SGCZ: variants seen among roughly 807,000 people sequenced by gnomAD.
The protein encoded by SGCZ is zeta-sarcoglycan.
In SGCZ, 40 loss-of-function variants were observed where a neutral mutation model predicts 41.3. The ratio of observed to expected loss-of-function variants is 0.97; its 90% CI spans 0.75 to 1.26. SGCZ has a LOEUF of 1.26. Ranked by LOEUF, SGCZ falls within the 50% of genes most tolerant of loss-of-function variation. The pLI is 0.00. For synonymous variants in SGCZ, 206 were observed against 137.5 expected (o/e 1.50, Z -3.49); for missense variants, 552 against 369.8 (o/e 1.49, Z -4.04).
intron 1 of SGCZ, among the ~76,000 whole-genome samples, chr8:14,969,710 T>A (rs1291122432): frequency 1.3e-5 from 2 of 152,096 alleles, no homozygotes; most frequent in East Asian, 3.9e-4. Flanking sequence ...TTGTGTCATA[T>A]GTTAATTGTT....
chr8:14,419,062 G>A (rs756392087), intron 2 of SGCZ, among the ~76,000 whole-genome samples: 19 of 151,640 alleles, frequency 1.3e-4, no homozygotes, highest in Non-Finnish European at 2.4e-4. Context: ...CAACCACATG[G>A]CAACATAAGA....
At position 15,065,415 on chromosome 8, in the gene SGCZ, A is replaced by AATTATTATT. The variant is rs200765691; in HGVS notation, c.39+172161_39+172169dup. 7.3e-3 allele frequency among the ~76,000 whole-genome samples: 998 copies of AATTATTATT among 137,448 alleles called. 9 individuals carry two copies. Among genetic ancestry groups the AATTATTATT allele is most frequent in the Admixed American group, 0.01 (141 of 13,508 alleles). 90.2% of individuals were successfully genotyped at this position (137,448 alleles called of 152,430 possible). On this transcript the variant is annotated intron_variant, in intron 1 of 7. Transcript: ENST00000382080. The stretch of plus-strand genomic sequence containing the variant: ...GGCATCACTTATCACATGGTATTGT[A>AATTATTATT]ATTATTATTATTATTATTATTATTA...
At chr8:14,629,555 A>C (rs1806577706) in intron 1 of SGCZ, among the ~76,000 whole-genome samples, 2 of 152,102 alleles carry the variant, frequency 1.3e-5, no homozygotes, top group Admixed American at 1.3e-4. Context: ...AGTCAGCAAG[A>C]GGCTTGCCAT....
At chr8:14,355,840 G>C (rs1302345009) in intron 2 of SGCZ, among the ~76,000 whole-genome samples, 1 of 152,040 alleles carries the variant, frequency 6.6e-6, no homozygotes, top group African/African-American at 2.4e-5. Context: ...CTGGTCTAGT[G>C]TCAGATCTTC....
At chr8:14,173,249 A>G (rs7838241) in intron 4 of SGCZ, among the ~76,000 whole-genome samples, 47,065 of 151,762 alleles carry the variant, frequency 0.31, 8,078 homozygotes, top group East Asian at 0.71. Context: ...AATTGACACT[A>G]ACCAGGAGAA....
chr8:15,110,658 C>A (rs12682086), intron 1 of SGCZ, among the ~76,000 whole-genome samples: 1 of 151,974 alleles, frequency 6.6e-6, no homozygotes, highest in Non-Finnish European at 1.5e-5. Flanking sequence ...TGGCACTAGC[C>A]AGCACCTTCA....
chr8:15,180,563 A>G (rs1387969248), intron 1 of SGCZ, among the ~76,000 whole-genome samples: 1 of 151,684 alleles, frequency 6.6e-6, no homozygotes, highest in African/African-American at 2.4e-5. Context: ...CAAATTTAGC[A>G]CTGATACAAA....
intron 1 of SGCZ, among the ~76,000 whole-genome samples, chr8:15,236,983 G>T (rs1305213674): frequency 1.3e-5 from 2 of 152,196 alleles, no homozygotes; most frequent in Admixed American, 1.3e-4. Flanking sequence ...GGCAGCGGGG[G>T]TACCTCTCCA....
In SGCZ at chr8:15,192,058, A is replaced by G. The variant is rs919711293; in HGVS notation, c.39+45527T>C. Among the ~76,000 whole-genome samples the G allele has an allele frequency of 5.3e-5, 8 of 152,138 alleles. 1 individual carries two copies. In the South Asian group the frequency reaches 1.0e-3, roughly 20 times the overall value. On this transcript the variant is annotated intron_variant, in intron 1 of 7. Coordinates refer to ENST00000382080, the MANE Select transcript of SGCZ (RefSeq NM_139167.4). ...AGTTAATATTTAGCACTTCATAATT[A>G]GAGCTACTATTATATTCCCAGTGTT...
intron 2 of SGCZ, among the ~76,000 whole-genome samples, chr8:14,459,175 C>A (rs916231658): frequency 6.6e-6 from 1 of 152,038 alleles, no homozygotes; most frequent in Non-Finnish European, 1.5e-5. Flanking sequence ...GGACAAAAAA[C>A]CAAACACCGC....
chr8:14,476,732 A>G (rs961182661), intron 2 of SGCZ, among the ~76,000 whole-genome samples: 2 of 152,176 alleles, frequency 1.3e-5, no homozygotes, highest in African/African-American at 4.8e-5. Context: ...TAAGATTCAT[A>G]CTTTCAGATG....
At chr8:14,277,369 C>T (rs1397808924) in intron 3 of SGCZ, among the ~76,000 whole-genome samples, 1 of 152,210 alleles carries the variant, frequency 6.6e-6, no homozygotes, top group East Asian at 1.9e-4. Flanking sequence ...ATCTGGTGAA[C>T]TTCAAATGCC....
intron 6 of SGCZ, among the ~76,000 whole-genome samples, chr8:14,102,946 G>C (rs1012101006): frequency 3.3e-5 from 5 of 152,164 alleles, no homozygotes; most frequent in Admixed American, 6.6e-5. Flanking sequence ...AAGAGTCCCT[G>C]TCTTGTAAAC....
intron 2 of SGCZ, among the ~76,000 whole-genome samples, chr8:14,421,186 A>C (rs1281087824): frequency 3.3e-5 from 5 of 152,032 alleles, no homozygotes; most frequent in African/African-American, 1.2e-4. Flanking sequence ...TTGTACATGG[A>C]ATTGTATCAT....
chr8:14,886,645 A>G (rs1463384748), intron 1 of SGCZ, among the ~76,000 whole-genome samples: 1 of 152,132 alleles, frequency 6.6e-6, no homozygotes, highest in Non-Finnish European at 1.5e-5. Context: ...TGAGGAGAAG[A>G]AAAGAAAGAG....
intron 7 of SGCZ, among the ~76,000 whole-genome samples, chr8:14,093,279 T>C (rs577745507): frequency 1.3e-5 from 2 of 152,160 alleles, no homozygotes; most frequent in Admixed American, 1.3e-4. Context: ...CCGATTTTTG[T>C]CCTCCTGTCA....
chr8:14,425,407 G>A (rs1799752081), intron 2 of SGCZ, among the ~76,000 whole-genome samples: 1 of 152,080 alleles, frequency 6.6e-6, no homozygotes, highest in South Asian at 2.1e-4. Context: ...GATCACCTGA[G>A]GTCAGGAGTT....
At chr8:14,521,763 C>T (rs986389720) in intron 2 of SGCZ, among the ~76,000 whole-genome samples, 3 of 152,142 alleles carry the variant, frequency 2.0e-5, no homozygotes, top group African/African-American at 7.2e-5. Flanking sequence ...TTTACATTGC[C>T]ACCAATACTC....
At chr8:14,408,841 TAGCTC>T (rs1476514935) in intron 2 of SGCZ, among the ~76,000 whole-genome samples, 8 of 152,200 alleles carry the variant, frequency 5.3e-5, no homozygotes, top group Non-Finnish European at 1.2e-4. Flanking sequence ...GGTTAAATGT[TAGCTC>T]ATGATTGAGA....
Sources: gnomAD v4.1 joint callset for allele counts (sites outside exome capture counted in the v4.1 genomes callset) on GRCh38, gnomAD v4.1.1 for gene constraint, MANE v1.5 for transcripts, NCBI Gene and HGNC (gene_info 2026-07-23, HGNC 2026-07-21) for gene names.